PTPRO: variants seen among roughly 807,000 people sequenced by gnomAD.
PTPRO encodes the protein receptor-type tyrosine-protein phosphatase O.
In PTPRO, 62 loss-of-function variants were observed where a neutral mutation model predicts 145.2. The observed-to-expected ratio is 0.43, with a 90% CI of 0.35 to 0.53. The LOEUF (loss-of-function observed/expected upper bound fraction) is 0.53. Among genes scored for constraint, PTPRO ranks in the 20% least tolerant of loss-of-function variants. The probability of loss-of-function intolerance (pLI) is 0.01; values close to 1 mark genes in which losing one functional copy is unlikely to be tolerated. For missense variants in PTPRO, 1,345 were observed against 1,482.7 expected (o/e 0.91, Z 1.53); for synonymous variants, 565 against 514.7 (o/e 1.10, Z -1.32).
chr12:15,355,299 A>G (rs1401830371), intron 1 of PTPRO, among the ~76,000 whole-genome samples: 5 of 152,170 alleles, frequency 3.3e-5, no homozygotes, highest in Non-Finnish European at 7.3e-5. Context: ...TTCCCTCCTT[A>G]GTCCCAGGTT....
intron 1 of PTPRO, among the ~76,000 whole-genome samples, chr12:15,382,294 C>A (rs937340549): frequency 6.6e-6 from 1 of 152,008 alleles, no homozygotes; most frequent in Non-Finnish European, 1.5e-5. Flanking sequence ...TCAGGGCAAT[C>A]CATTTGGGGA....
intron 10 of PTPRO, among the ~76,000 whole-genome samples, chr12:15,522,733 T>C (rs1258030469): frequency 6.6e-6 from 1 of 152,186 alleles, no homozygotes; most frequent in Non-Finnish European, 1.5e-5. Context: ...TCAATCATAG[T>C]AATTATGCGG....
chr12:15,439,181 T>G (rs763828666), intron 1 of PTPRO, among the ~76,000 whole-genome samples: 1 of 152,164 alleles, frequency 6.6e-6, no homozygotes, highest in Admixed American at 6.5e-5. Flanking sequence ...CAAAGGTTTA[T>G]AAGTGAAAGA....
At chr12:15,507,391 C>G (rs531245036) in intron 6 of PTPRO, among the ~76,000 whole-genome samples, 1 of 150,604 alleles carries the variant, frequency 6.6e-6, no homozygotes, top group African/African-American at 2.4e-5. Context: ...GCCTGGGTGA[C>G]AGAGTGAGAC....
chr12:15,327,544 C>T (rs1866481817), intron 1 of PTPRO, among the ~76,000 whole-genome samples: 1 of 152,202 alleles, frequency 6.6e-6, no homozygotes. Context: ...ATTTTCTACA[C>T]CCTGGTCTTG....
intron 12 of PTPRO, among the ~76,000 whole-genome samples, chr12:15,527,378 C>G (rs946948428): frequency 3.9e-5 from 6 of 152,286 alleles, no homozygotes; most frequent in Middle Eastern, 3.4e-3. Context: ...TCTTGGGCTC[C>G]CTGGCAGGAA....
chr12:15,448,347 A>AC (rs1940959088), intron 1 of PTPRO, among the ~76,000 whole-genome samples: 1 of 146,892 alleles, frequency 6.8e-6, no homozygotes, highest in Admixed American at 6.8e-5. Context: ...AGTAAAAAAA[A>AC]AAAAAAAAAA....
chr12:15,353,369 T>A (rs1285236012), intron 1 of PTPRO, among the ~76,000 whole-genome samples: 1 of 151,990 alleles, frequency 6.6e-6, no homozygotes, highest in Non-Finnish European at 1.5e-5. Context: ...ATTTAGTCTG[T>A]CCCTAAAGAA....
At chr12:15,544,531 T>G (rs1228406359) in intron 12 of PTPRO, among the ~76,000 whole-genome samples, 3 of 134,678 alleles carry the variant, frequency 2.2e-5, no homozygotes, top group South Asian at 4.9e-4. Context: ...AAAAAAAGAT[T>G]AAAGGAAAAG....
In PTPRO at chr12:15,549,097, C is replaced by G. The variant is rs1460092859; in HGVS notation, c.2308C>G (p.Pro770Ala). 1.2e-6 allele frequency: 2 copies of G among 1,613,206 alleles called. No individual in the cohort carries two copies. The highest frequency in any genetic ancestry group is 2.2e-5 in the East Asian group (1 of 44,862). Residue 770 changes from proline to alanine, a missense_variant, in exon 14 of 27, where the codon CCA becomes GCA. Physicochemically the swap from Pro to Ala is conservative, Grantham distance 27 (BLOSUM62 -1). Transcript: ENST00000281171. Reference protein sequence around the residue: ...GSSQKTKLQEPVAVSSHVVTI... With the variant: ...GSSQKTKLQEAVAVSSHVVTI... ...ACCTTATTTTCTGAAACCCCAGGAACCAGTTGCTGTTTCTTCCCATGTCGT... is the reference window on the plus strand; with the variant it reads ...ACCTTATTTTCTGAAACCCCAGGAAGCAGTTGCTGTTTCTTCCCATGTCGT...
At chr12:15,364,663 G>C (rs1355994793) in intron 1 of PTPRO, among the ~76,000 whole-genome samples, 1 of 152,148 alleles carries the variant, frequency 6.6e-6, no homozygotes, top group South Asian at 2.1e-4. Context: ...TGACAAGAAA[G>C]GGGGTGGGAT....
intron 1 of PTPRO, among the ~76,000 whole-genome samples, chr12:15,373,031 G>A (rs1938576856): frequency 1.3e-5 from 2 of 152,158 alleles, no homozygotes; most frequent in African/African-American, 4.8e-5. Context: ...AAGTTTATAG[G>A]ACAGGCAGCA....
At chr12:15,542,699 C>A (rs10846198) in intron 12 of PTPRO, among the ~76,000 whole-genome samples, 45,318 of 152,084 alleles carry the variant, frequency 0.3, 6,776 homozygotes, top group Middle Eastern at 0.42. Context: ...TTTATGTAAC[C>A]AAATATATCC....
rs188242402 is a variant in PTPRO at position 15,484,657 on chromosome 12, A to G, written c.349+410A>G. ...TGATACTCCTATTTAACCTGCTCAAATTCAGGTATAGGTCTTTGGCTGAGA... is the reference window on the plus strand; with the variant it reads ...TGATACTCCTATTTAACCTGCTCAAGTTCAGGTATAGGTCTTTGGCTGAGA... On this transcript the variant is annotated intron_variant, in intron 2 of 26. Coordinates refer to ENST00000281171, the MANE Select transcript of PTPRO (RefSeq NM_030667.3). Among the ~76,000 whole-genome samples the G allele has an allele frequency of 1.7e-4, 26 of 152,240 alleles. No individual in the cohort carries two copies. The East Asian group carries it at 4.6e-3, about 27-fold the overall frequency.
At chr12:15,482,013 T>C (rs1414960207) in intron 1 of PTPRO, among the ~76,000 whole-genome samples, 1 of 152,072 alleles carries the variant, frequency 6.6e-6, no homozygotes, top group African/African-American at 2.4e-5. Flanking sequence ...TGGGTATCTA[T>C]CCAAAGGAAA....
chr12:15,518,534 T>C (rs1942647436), intron 9 of PTPRO, among the ~76,000 whole-genome samples: 1 of 152,244 alleles, frequency 6.6e-6, no homozygotes, highest in Admixed American at 6.5e-5. Context: ...TGGGATTTTC[T>C]TTTCTATCAC....
intron 1 of PTPRO, among the ~76,000 whole-genome samples, chr12:15,392,474 A>C (rs999181663): frequency 1.3e-5 from 2 of 151,614 alleles, no homozygotes; most frequent in African/African-American, 4.8e-5. Context: ...TAATCCCAGC[A>C]CTTTGGGAGG....
At chr12:15,472,628 T>C (rs1941567828) in intron 1 of PTPRO, among the ~76,000 whole-genome samples, 1 of 152,316 alleles carries the variant, frequency 6.6e-6, no homozygotes, top group Non-Finnish European at 1.5e-5. Flanking sequence ...GGAGCAGAAT[T>C]GAGGGCTTTC....
intron 13 of PTPRO, among the ~76,000 whole-genome samples, chr12:15,547,494 G>A (rs907627094): frequency 2.6e-5 from 4 of 152,156 alleles, no homozygotes; most frequent in Non-Finnish European, 5.9e-5. Context: ...AAATAATGAA[G>A]TTCATGAGAT....
Sources: gnomAD v4.1 joint callset for allele counts (sites outside exome capture counted in the v4.1 genomes callset) on GRCh38, gnomAD v4.1.1 for gene constraint, MANE v1.5 for transcripts, NCBI Gene and HGNC (gene_info 2026-07-23, HGNC 2026-07-21) for gene names.